The following CD44 variants were observed in gnomAD, a reference collection of about 807,000 sequenced individuals.
The protein encoded by CD44 is CD44 antigen.
A neutral mutation model predicts 88.8 loss-of-function variants in CD44; 49 were observed. That is an observed-to-expected ratio of 0.55 (90% CI 0.44 to 0.70). The LOEUF (loss-of-function observed/expected upper bound fraction) is 0.70. Ranked by LOEUF, CD44 falls within the 30% of genes least tolerant of loss-of-function variation. CD44 has a pLI of 0.00. For missense variants in CD44, 883 were observed against 913.8 expected, an observed-to-expected ratio of 0.97 and a Z score of 0.43; for synonymous variants, 325 against 312.3, an observed-to-expected ratio of 1.04 and a Z score of -0.43.
In CD44 at chr11:35,147,279, A is replaced by T. The variant is rs113315421; in HGVS notation, c.67+7909A>T. 1.3e-3 allele frequency among the ~76,000 whole-genome samples: 201 copies of T among 152,266 alleles called. 1 individual carries two copies. Among genetic ancestry groups the T allele is most frequent in the African/African-American group, 4.5e-3 (186 of 41,518 alleles). ...GTCTTCTCTCCACCGGCTAGAATGGATGAGGGAGGGAGAGAAACTCTGAGA... is the reference window on the plus strand; with the variant it reads ...GTCTTCTCTCCACCGGCTAGAATGGTTGAGGGAGGGAGAGAAACTCTGAGA... On this transcript the variant is annotated intron_variant, in intron 1 of 17. Coordinates refer to ENST00000428726, the MANE Select transcript of CD44 (RefSeq NM_000610.4).
chr11:35,189,197 C>T (rs993478770), intron 4 of CD44, among the ~76,000 whole-genome samples: 4 of 152,142 alleles, frequency 2.6e-5, no homozygotes, highest in African/African-American at 7.2e-5. Context: ...TTGTTAATTT[C>T]CAGGTTGAAT....
At chr11:35,186,242 A>T (rs1044351225) in intron 3 of CD44, among the ~76,000 whole-genome samples, 5 of 152,194 alleles carry the variant, frequency 3.3e-5, no homozygotes, top group African/African-American at 1.2e-4. Flanking sequence ...AAGACTAGAG[A>T]TTCATTTGGT....
intron 13 of CD44, 182 bp downstream of exon 13, chr11:35,210,236 T>A (rs1261479060): frequency 6.9e-6 from 3 of 435,134 alleles, no homozygotes; most frequent in African/African-American, 6.2e-5. Flanking sequence ...CTTCGTACAT[T>A]AAGTGCAAAC....
At chr11:35,148,746 TA>T (rs1311370581) in intron 1 of CD44, among the ~76,000 whole-genome samples, 8 of 152,234 alleles carry the variant, frequency 5.3e-5, no homozygotes, top group African/African-American at 1.9e-4. Context: ...TCCCCAATTA[TA>T]GTGGGTGCTC....
intron 17 of CD44, among the ~76,000 whole-genome samples, chr11:35,226,206 C>T (rs1949679048): frequency 6.6e-6 from 1 of 152,170 alleles, no homozygotes; most frequent in Non-Finnish European, 1.5e-5. Context: ...ATTCCTGTGT[C>T]CTATAGGTCA....
chr11:35,219,216 G>A (rs557310369), intron 15 of CD44, 100 bp from the exon 16 acceptor site: 9 of 840,316 alleles, frequency 1.1e-5, no homozygotes, highest in Admixed American at 9.4e-5. Context: ...TGGCTTCTCA[G>A]TGATTCAGAA....
At position 35,176,612 on chromosome 11, in the gene CD44, C is replaced by T. The variant is rs749053466; in HGVS notation, c.105C>T (p.His35=). Reference sequence around the variant, plus strand: ...CCTGCCGCTTTGCAGGTGTATTCCACGTGGAGAAAAATGGTCGCTACAGCA... The same window carrying T: ...CCTGCCGCTTTGCAGGTGTATTCCATGTGGAGAAAAATGGTCGCTACAGCA... ...NITCRFAGVF[H]VEKNGRYSIS... is the part of the protein sequence containing the mutation. Residue 35 remains histidine, a synonymous_variant, in exon 2 of 18, where the codon CAC becomes CAT. Coordinates refer to ENST00000428726, the MANE Select transcript of CD44 (RefSeq NM_000610.4). 6 of 1,614,094 alleles carry T rather than the reference C, an allele frequency of 3.7e-6. No individual in the cohort carries two copies. The highest frequency in any genetic ancestry group is 1.6e-4 in the Middle Eastern group (1 of 6,062).
chr11:35,149,169 T>C (rs774769312), intron 1 of CD44, among the ~76,000 whole-genome samples: 7 of 152,218 alleles, frequency 4.6e-5, no homozygotes, highest in Non-Finnish European at 1.0e-4. Context: ...TAAAATCATG[T>C]TCTCAACAAT....
chr11:35,207,402 C>T (rs573173164), intron 11 of CD44, among the ~76,000 whole-genome samples: 1 of 152,212 alleles, frequency 6.6e-6, no homozygotes, highest in East Asian at 1.9e-4. Flanking sequence ...CTCTGTTTCA[C>T]TCAAGACTTC....
At chr11:35,217,730 C>T (rs932137391) in intron 15 of CD44, among the ~76,000 whole-genome samples, 2 of 152,146 alleles carry the variant, frequency 1.3e-5, no homozygotes, top group African/African-American at 4.8e-5. Context: ...GGAAAGCTCT[C>T]ATTTAAGACC....
At chr11:35,190,451 A>G (rs767224762) in intron 5 of CD44, 45 of 233,728 alleles carry the variant, frequency 1.9e-4, no homozygotes, top group Non-Finnish European at 5.9e-5. Context: ...TTGTTTTCAT[A>G]AAGTTGGGAT....
intron 16 of CD44, 67 bp downstream of exon 16, chr11:35,219,454 A>T (rs1047447695): frequency 1.8e-6 from 2 of 1,126,794 alleles, no homozygotes; most frequent in African/African-American, 1.5e-5. Context: ...CCCAGCAAGG[A>T]CGAAGAGACT....
intron 5 of CD44, among the ~76,000 whole-genome samples, chr11:35,194,034 T>C (rs1362029089): frequency 6.6e-6 from 1 of 152,212 alleles, no homozygotes; most frequent in Non-Finnish European, 1.5e-5. Flanking sequence ...AACCCAAAGA[T>C]AATCCAAAGA....
chr11:35,211,561 A>G (rs1948391670), intron 14 of CD44, 112 bp downstream of exon 14: 2 of 728,416 alleles, frequency 2.7e-6, no homozygotes, highest in Non-Finnish European at 2.3e-6. Context: ...AGTTTGTGAT[A>G]TGGAAATATC....
chr11:35,206,229 C>A lies in CD44; in HGVS notation c.1400C>A (p.Ala467Glu). The change falls in exon 11 of 18, where the codon GCA (alanine) becomes GAA (glutamate). Residue 467 changes from alanine to glutamate, a missense_variant. Around this residue, in one of 2 missense-constraint regions of CD44, gnomAD observed 631 missense variants for 590.9 expected, o/e 1.07. Coordinates refer to ENST00000428726, the MANE Select transcript of CD44 (RefSeq NM_000610.4). ...ISHPMGRGHQ[A>E]GRRMDMDSSH... ...CACCCCATGGGACGAGGTCATCAAG[C>A]AGGAAGAAGGATGGGTAATAGCCTC... 1 of 1,608,832 alleles carries A rather than the reference C, an allele frequency of 6.2e-7. No individual in the cohort carries two copies. Among genetic ancestry groups the A allele is most frequent in the Non-Finnish European group, 8.5e-7 (1 of 1,177,716 alleles).
At chr11:35,150,103 AC>A (rs1860018377) in intron 1 of CD44, among the ~76,000 whole-genome samples, 1 of 152,208 alleles carries the variant, frequency 6.6e-6, no homozygotes, top group Non-Finnish European at 1.5e-5. Flanking sequence ...AGAAAAGCCA[AC>A]CTCTGAAGAA....
At chr11:35,197,301 T>C (rs1455476806) in intron 6 of CD44, 4 of 154,532 alleles carry the variant, frequency 2.6e-5, no homozygotes, top group Non-Finnish European at 5.8e-5. Flanking sequence ...ACACTAATCA[T>C]ATGAAAAGAC....
Position 35,219,346 on chromosome 11 carries a change from C to G in CD44, c.1904C>G (p.Ala635Gly), listed in dbSNP as rs1366711545. The G allele has an allele frequency of 1.2e-6, 2 of 1,613,686 alleles. No homozygotes were observed. The highest frequency in any genetic ancestry group is 8.5e-7 in the Non-Finnish European group (1 of 1,179,840). Residue 635 changes from alanine (A) to glycine (G), a missense_variant, in exon 16 of 18, where the codon GCA becomes GGA. Coordinates refer to ENST00000428726, the MANE Select transcript of CD44 (RefSeq NM_000610.4). ...GHSHGSQEGG[A>G]NTTSGPIRTP... ...TCACATGGGAGTCAAGAAGGTGGAG[C>G]AAACACAACCTCTGGTCCTATAAGG... is the stretch of plus-strand genomic sequence containing the variant.
intron 1 of CD44, among the ~76,000 whole-genome samples, chr11:35,151,025 T>C (rs1348344686): frequency 6.6e-6 from 1 of 152,172 alleles, no homozygotes; most frequent in East Asian, 1.9e-4. Flanking sequence ...CATAACCAAG[T>C]GTCAGAAGAC....
Sources: gnomAD v4.1 joint callset for allele counts (sites outside exome capture counted in the v4.1 genomes callset) on GRCh38, gnomAD v4.1.1 for gene constraint, gnomAD v4.1.1 regional missense constraint, MANE v1.5 for transcripts, NCBI Gene and HGNC (gene_info 2026-07-23, HGNC 2026-07-21) for gene names.